CTDP1: variants seen among roughly 807,000 people sequenced by gnomAD.
CTDP1 encodes CTD phosphatase 1.
CTDP1 carries 47 observed loss-of-function variants against 91.8 expected under a neutral mutation model. The observed-to-expected ratio is 0.51, with a 90% CI of 0.41 to 0.65. The LOEUF is 0.65. CTDP1 is among the 30% of genes least tolerant of loss of function. CTDP1 has a pLI of 0.00. For missense variants in CTDP1, 1,272 were observed against 1,373.7 expected (o/e 0.93, Z 1.17); for synonymous variants, 656 against 598.5 (o/e 1.10, Z -1.40).
chr18:79,683,087 A>T (rs750331444), intron 1 of CTDP1: 1 of 152,214 alleles, frequency 6.6e-6, no homozygotes, highest in Non-Finnish European at 1.5e-5. Context: ...GGAGGCTGGA[A>T]GGTGAAGACA....
intron 12 of CTDP1, among the ~76,000 whole-genome samples, chr18:79,740,136 G>A (rs79463108): frequency 5.9e-5 from 4 of 67,812 alleles, no homozygotes; most frequent in East Asian, 4.0e-4. Flanking sequence ...ACCCACGGCC[G>A]GGACGGGTGG....
Position 79,721,681 on chromosome 18 carries a change from A to C in CTDP1, c.2417+3665A>C, listed in dbSNP as rs935242731. Among the ~76,000 whole-genome samples, 3 of 152,062 alleles carry C rather than the reference A, an allele frequency of 2.0e-5. 1 individual carries two copies. The highest frequency in any genetic ancestry group is 4.4e-5 in the Non-Finnish European group (3 of 68,016). On this transcript the variant is annotated intron_variant, in intron 10 of 12. Coordinates refer to ENST00000613122, the MANE Select transcript of CTDP1 (RefSeq NM_004715.5). ...CCCGCAAGGATCTCTCGAGCTCAGG[A>C]GTTCAAGGCTGCAGTGAGCTGTGAT...
chr18:79,680,521 C>A (rs1033703925), intron 1 of CTDP1, among the ~76,000 whole-genome samples: 1 of 152,246 alleles, frequency 6.6e-6, no homozygotes, highest in Non-Finnish European at 1.5e-5. Context: ...ATGTTTGTTT[C>A]TTTCTTTCTG....
rs140538707 is a variant in CTDP1, at chr18:79,753,648, G to T, written c.2748-4G>T. The T allele has an allele frequency of 3.4e-4, 547 of 1,614,130 alleles. 1 individual carries two copies. In the African/African-American group the frequency reaches 6.4e-3, roughly 19 times the overall value. On this transcript the variant is annotated splice_region_variant and splice_polypyrimidine_tract_variant and intron_variant, in intron 12 of 12. Coordinates refer to ENST00000613122, the MANE Select transcript of CTDP1 (RefSeq NM_004715.5). The stretch of plus-strand genomic sequence containing the variant: ...CATCTCACACCATGTTTGCTTCTCT[G>T]CAGAGGCCACAAGAGGAAGCTGAAT...
In CTDP1 at chr18:79,697,792, T is replaced by C. The variant is rs533578140; in HGVS notation, c.493-68T>C. ...ATTGATATAGTTTTGTGTTTCTCGATGAAATGGAGTTTTACCTTGGATGCA... is the reference window on the plus strand; with the variant it reads ...ATTGATATAGTTTTGTGTTTCTCGACGAAATGGAGTTTTACCTTGGATGCA... On this transcript the variant is annotated intron_variant, in intron 3 of 12. Coordinates refer to ENST00000613122, the MANE Select transcript of CTDP1 (RefSeq NM_004715.5). The C allele has an allele frequency of 1.9e-6, 3 of 1,604,580 alleles. No individual in the cohort carries two copies. In the East Asian group the frequency reaches 6.7e-5, roughly 36 times the overall value.
chr18:79,698,192 G>A (rs900192606), intron 4 of CTDP1, among the ~76,000 whole-genome samples: 1 of 152,238 alleles, frequency 6.6e-6, no homozygotes, highest in Non-Finnish European at 1.5e-5. Context: ...ACATCCCGAC[G>A]CCCACTGTGT....
rs548611012 is a variant in CTDP1 at position 79,693,804 on chromosome 18, C to T, written c.315-1421C>T. 7.9e-5 allele frequency among the ~76,000 whole-genome samples: 12 copies of T among 152,276 alleles called. No homozygotes were observed. In the South Asian group the frequency reaches 1.9e-3, roughly 24 times the overall value. ...TCCACTCCCCTCCAGGCTACAGACCCGCCCCTCCCATTCTCCCTGCAGGAT... is the reference window on the plus strand; with the variant it reads ...TCCACTCCCCTCCAGGCTACAGACCTGCCCCTCCCATTCTCCCTGCAGGAT... On this transcript the variant is annotated intron_variant, in intron 1 of 12. Transcript: ENST00000613122.
chr18:79,695,058 T>C (rs1047620175), intron 1 of CTDP1, among the ~76,000 whole-genome samples, 167 bp from the exon 2 acceptor site: 1 of 152,174 alleles, frequency 6.6e-6, no homozygotes, highest in Non-Finnish European at 1.5e-5. Flanking sequence ...TCCTTTCATT[T>C]TATAGACAAA....
At chr18:79,682,221 T>G (rs1465951460) in intron 1 of CTDP1, among the ~76,000 whole-genome samples, 1 of 152,202 alleles carries the variant, frequency 6.6e-6, no homozygotes, top group Non-Finnish European at 1.5e-5. Flanking sequence ...GGGCTGCCGT[T>G]GGGAGCCGGT....
At position 79,723,305 on chromosome 18, in the gene CTDP1, A is replaced by G. The variant is rs367890425; in HGVS notation, c.2417+5289A>G. 5.3e-5 allele frequency among the ~76,000 whole-genome samples: 8 copies of G among 151,798 alleles called. No individual in the cohort carries two copies. The East Asian group carries it at 1.2e-3, about 22-fold the overall frequency. On this transcript the variant is annotated intron_variant, in intron 10 of 12. Coordinates refer to ENST00000613122, the MANE Select transcript of CTDP1 (RefSeq NM_004715.5). ...GTGCCTGAGTGGCCCCAGGCCTCAT[A>G]TGTTGTGTGCATTGGTTGTGCTGCT... is the stretch of plus-strand genomic sequence containing the variant.
chr18:79,719,502 G>A (rs2086290137), intron 10 of CTDP1, among the ~76,000 whole-genome samples: 1 of 152,214 alleles, frequency 6.6e-6, no homozygotes, highest in African/African-American at 2.4e-5. Context: ...ATAGGAAGGT[G>A]TCCTCGTGAT....
rs2122318884 is a variant in CTDP1 at position 79,679,900 on chromosome 18, A to G, written c.-48A>G. 2 of 1,309,296 alleles carry G rather than the reference A, an allele frequency of 1.5e-6. No individual in the cohort carries two copies. Among genetic ancestry groups the G allele is most frequent in the Non-Finnish European group, 2.0e-6 (2 of 1,022,978 alleles). The allele number at this position is 1,309,296 out of a possible 1,614,324, so 81.1% of individuals were successfully genotyped here. A position where few individuals can be genotyped will look rare whatever the true frequency, so the allele number is the denominator to read the frequency against. ...TCGCCGCGGTAGGCGCTGCGCTCTG[A>G]GCGCAGCGCAGGCCCCGTACCGACC... On this transcript the variant is annotated 5_prime_UTR_variant, in exon 1 of 13. Transcript: ENST00000613122.
chr18:79,746,435 C>T (rs1330927505), intron 12 of CTDP1, among the ~76,000 whole-genome samples: 1 of 152,252 alleles, frequency 6.6e-6, no homozygotes, highest in Non-Finnish European at 1.5e-5. Flanking sequence ...GTTTGCCACT[C>T]GAGGGTGTCG....
chr18:79,733,155 C>T (rs1027492892), intron 11 of CTDP1, among the ~76,000 whole-genome samples: 1 of 152,074 alleles, frequency 6.6e-6, no homozygotes, highest in Non-Finnish European at 1.5e-5. Flanking sequence ...TGGATCCTCA[C>T]GCCACGGCCT....
intron 12 of CTDP1, among the ~76,000 whole-genome samples, chr18:79,743,141 G>T (rs539179041): frequency 6.6e-6 from 1 of 152,214 alleles, no homozygotes; most frequent in Non-Finnish European, 1.5e-5. Flanking sequence ...TGGTCTCACC[G>T]TGCTCCGAGT....
chr18:79,745,068 A>C (rs1042210341), intron 12 of CTDP1, among the ~76,000 whole-genome samples: 3 of 152,148 alleles, frequency 2.0e-5, no homozygotes, highest in Non-Finnish European at 4.4e-5. Context: ...GGGTCCTGAG[A>C]GTGGGGTGGG....
At chr18:79,751,951 CT>C (rs1305115400) in intron 12 of CTDP1, among the ~76,000 whole-genome samples, 1 of 152,220 alleles carries the variant, frequency 6.6e-6, no homozygotes, top group Non-Finnish European at 1.5e-5. Context: ...TCAGTTGCCC[CT>C]AATCAGGGTA....
At chr18:79,695,359 G>A (rs749606225) in intron 2 of CTDP1, 51 bp downstream of exon 2, 6 of 1,548,214 alleles carry the variant, frequency 3.9e-6, no homozygotes. Context: ...CGAGGTGGTG[G>A]CCTCCGGGGA....
intron 9 of CTDP1, 42 bp downstream of exon 9, chr18:79,717,718 C>T: frequency 1.2e-6 from 2 of 1,613,932 alleles, no homozygotes; most frequent in Non-Finnish European, 1.7e-6. Flanking sequence ...CCAGGCGTTC[C>T]CTTGCTGGAC....
Sources: gnomAD v4.1 joint callset for allele counts (sites outside exome capture counted in the v4.1 genomes callset) on GRCh38, gnomAD v4.1.1 for gene constraint, MANE v1.5 for transcripts, NCBI Gene and HGNC (gene_info 2026-07-23, HGNC 2026-07-21) for gene names.